Variants in ZRSR2 observed in about 807,000 individuals in gnomAD.
ZRSR2 encodes zinc finger CCCH-type, RNA binding motif and serine/arginine rich 2.
A neutral mutation model predicts 39.4 loss-of-function variants in ZRSR2; 3 were observed. The observed-to-expected ratio is 0.08, with a 90% CI of 0.03 to 0.20. ZRSR2 has a LOEUF of 0.20. ZRSR2 is among the 10% of genes least tolerant of loss of function. ZRSR2 has a pLI of 1.00. For synonymous variants in ZRSR2, 137 were observed against 136.0 expected (o/e 1.01, Z -0.05); for missense variants, 256 against 391.5 (o/e 0.65, Z 2.92).
chrX:15,800,608 G>A (rs1932642435), intron 3 of ZRSR2, among the ~76,000 whole-genome samples: 1 of 112,270 alleles, frequency 8.9e-6, no homozygotes, highest in Admixed American at 9.5e-5. Context: ...AAAAGAAAGT[G>A]TAAATGTACT....
At chrX:15,802,980 G>A (rs1414552996) in intron 3 of ZRSR2, among the ~76,000 whole-genome samples, 1 of 109,704 alleles carries the variant, frequency 9.1e-6, no homozygotes, top group Non-Finnish European at 1.9e-5. Context: ...TTAAGAATAG[G>A]GGCTGGGTGC....
chrX:15,792,632 G>A (rs150491575), intron 2 of ZRSR2, among the ~76,000 whole-genome samples: 280 of 111,922 alleles, frequency 2.5e-3, no homozygotes, highest in African/African-American at 8.6e-3. Context: ...TGAAATTACT[G>A]TAGAACCTTT....
intron 2 of ZRSR2, among the ~76,000 whole-genome samples, chrX:15,798,660 CA>C (rs778736607): frequency 9.0e-6 from 1 of 111,421 alleles, no homozygotes; most frequent in African/African-American, 3.3e-5. Context: ...ATATACAGGC[CA>C]TATTTAAACT....
intron 9 of ZRSR2, 116 bp downstream of exon 9, chrX:15,818,758 G>A: frequency 1.6e-6 from 1 of 612,955 alleles, no homozygotes; most frequent in Admixed American, 4.1e-5. Context: ...TATTTCTTAT[G>A]TTTTTATTTT....
chrX:15,808,677 A>G (rs975614859), intron 6 of ZRSR2, among the ~76,000 whole-genome samples: 11 of 102,472 alleles, frequency 1.1e-4, no homozygotes, highest in Admixed American at 7.5e-4. Flanking sequence ...GCTGGAGTAC[A>G]GTGGTATGAT....
chrX:15,803,381 C>T (rs987341563), intron 3 of ZRSR2, among the ~76,000 whole-genome samples: 1 of 111,977 alleles, frequency 8.9e-6, no homozygotes, highest in Non-Finnish European at 1.9e-5. Flanking sequence ...CTAAACATCA[C>T]TGTGATCAGT....
At chrX:15,807,210 C>T (rs1030713408) in intron 5 of ZRSR2, among the ~76,000 whole-genome samples, 1 of 112,135 alleles carries the variant, frequency 8.9e-6, no homozygotes, top group African/African-American at 3.2e-5. Flanking sequence ...TGCTAATTAC[C>T]ACTGGTCATG....
chrX:15,793,024 G>A (rs1366361677), intron 2 of ZRSR2, among the ~76,000 whole-genome samples: 1 of 111,778 alleles, frequency 8.9e-6, no homozygotes, highest in East Asian at 2.8e-4. Flanking sequence ...ACCTGTGTTA[G>A]CATTTCTGTC....
intron 9 of ZRSR2, among the ~76,000 whole-genome samples, chrX:15,818,889 G>C (rs906528911): frequency 8.2e-5 from 9 of 109,594 alleles, no homozygotes; most frequent in African/African-American, 2.7e-4. Context: ...TCCTGCCTCA[G>C]CCTCCTGAGT....
At position 15,822,968 on chromosome X, in the gene ZRSR2, A is replaced by G. The variant is rs1405372984; in HGVS notation, c.1175A>G (p.Asn392Ser). 4 of 1,212,405 alleles carry G rather than the reference A, an allele frequency of 3.3e-6. No individual in the cohort carries two copies. The highest frequency in any genetic ancestry group is 4.5e-6 in the Non-Finnish European group (4 of 895,665). The change falls in exon 11 of 11, where the codon AAT becomes AGT. Residue 392 changes from asparagine to serine, a missense_variant. Transcript: ENST00000307771. Reference sequence around the variant, plus strand: ...AGTCCAGACCACTCCTACAAAAGAAATGGGGAATCCGAGAGGAAAAGTAGT... The same window carrying G: ...AGTCCAGACCACTCCTACAAAAGAAGTGGGGAATCCGAGAGGAAAAGTAGT... Reference protein sequence around the residue: ...NPSPDHSYKRNGESERKSSRH... With the variant: ...NPSPDHSYKRSGESERKSSRH...
intron 2 of ZRSR2, among the ~76,000 whole-genome samples, chrX:15,797,271 C>T (rs766832144): frequency 1.4e-4 from 14 of 96,722 alleles, no homozygotes; most frequent in Admixed American, 3.6e-4. Flanking sequence ...AGTGCAGTGG[C>T]GCGATCTTGA....
intron 5 of ZRSR2, among the ~76,000 whole-genome samples, chrX:15,804,961 A>G (rs754197123): frequency 2.3e-4 from 26 of 110,763 alleles, no homozygotes; most frequent in Non-Finnish European, 4.9e-4. Context: ...TTGATTTGGT[A>G]TGTTTTGCTG....
In ZRSR2 at chrX:15,803,779, C is replaced by A. The variant is rs181618355; in HGVS notation, c.295C>A (p.Arg99=). ...KKEKEEAAKK[R]QEEQERKLKE... ...GGAAAAGGAAGAGGCGGCTAAAAAA[C>A]GGCAAGAAGAACAAGAGGTATGGTA... is the stretch of plus-strand genomic sequence containing the variant. Residue 99 remains arginine (R), a synonymous_variant, in exon 4 of 11, where the codon CGG becomes AGG. Coordinates refer to ENST00000307771, the MANE Select transcript of ZRSR2 (RefSeq NM_005089.4). The A allele has an allele frequency of 8.4e-7, 1 of 1,192,515 alleles. No individual in the cohort carries two copies. The highest frequency in any genetic ancestry group is 1.1e-6 in the Non-Finnish European group (1 of 885,207).
intron 9 of ZRSR2, among the ~76,000 whole-genome samples, chrX:15,818,972 A>G (rs929637978): frequency 4.6e-5 from 5 of 107,590 alleles, no homozygotes; most frequent in African/African-American, 1.3e-4. Context: ...GGGTTTTACT[A>G]TGATGACCAG....
Position 15,818,622 on chromosome X carries a change from T to C in ZRSR2, c.807T>C (p.Asn269=). ...SCNLEPHLRG[N]VYVQYQSEEE... ...ATTTGGAACCTCACCTGAGGGGCAA[T>C]GTATATGTTCAGTACCAGTCGTAAG... Residue 269 remains asparagine, a synonymous_variant, in exon 9 of 11, where the codon AAT becomes AAC. Coordinates refer to ENST00000307771, the MANE Select transcript of ZRSR2 (RefSeq NM_005089.4). 8.3e-7 allele frequency: 1 copy of C among 1,208,031 alleles called. No individual in the cohort carries two copies. The highest frequency in any genetic ancestry group is 1.8e-5 in the South Asian group (1 of 56,765).
intron 9 of ZRSR2, 78 bp from the exon 10 acceptor site, chrX:15,820,129 C>T (rs1037766191): frequency 3.2e-5 from 26 of 821,031 alleles, no homozygotes; most frequent in Non-Finnish European, 3.8e-5. Context: ...AAATTAATAA[C>T]GGGGTTAATT....
At position 15,820,188 on chromosome X, in the gene ZRSR2, T is replaced by G; in HGVS notation, c.828-19T>G. ...TAGGAAGTTACTGTAAAGCATATCA[T>G]TTGATTTTTGGTTTAAAGGGAAGAA... On this transcript the variant is annotated intron_variant, in intron 9 of 10. Transcript: ENST00000307771. The G allele has an allele frequency of 8.6e-7, 1 of 1,168,377 alleles. No individual in the cohort carries two copies. Among genetic ancestry groups the G allele is most frequent in the Non-Finnish European group, 1.2e-6 (1 of 857,104 alleles).
chrX:15,803,132 G>A (rs561762765), intron 3 of ZRSR2, among the ~76,000 whole-genome samples: 12 of 109,685 alleles, frequency 1.1e-4, no homozygotes, highest in African/African-American at 3.7e-4. Flanking sequence ...GCGTGGTGGT[G>A]GGCACCTGTA....
Position 15,808,502 on chromosome X carries a change from T to C in ZRSR2, c.438+231T>C, listed in dbSNP as rs1016993540. 2.7e-5 allele frequency among the ~76,000 whole-genome samples: 3 copies of C among 111,862 alleles called. No individual in the cohort carries two copies. The Admixed American group carries it at 2.8e-4, about 11-fold the overall frequency. ...ACCTGTTTAGAGTCCTTACAGTATGTTTAAGCAACATCACATACCGTTAGC... is the reference window on the plus strand; with the variant it reads ...ACCTGTTTAGAGTCCTTACAGTATGCTTAAGCAACATCACATACCGTTAGC... On this transcript the variant is annotated intron_variant, in intron 6 of 10. Transcript: ENST00000307771.
Sources: allele counts gnomAD v4.1 joint callset (sites outside exome capture counted in the v4.1 genomes callset), GRCh38; gene constraint gnomAD v4.1.1; transcripts MANE v1.5; gene names NCBI Gene and HGNC (gene_info 2026-07-23, HGNC 2026-07-21).